PRKCE: variants seen among roughly 807,000 people sequenced by gnomAD.
PRKCE encodes the protein protein kinase C epsilon type.
Under a neutral mutation model 85.4 loss-of-function variants are expected in PRKCE, and 16 were observed. The observed-to-expected ratio is 0.19, with a 90% CI of 0.13 to 0.28. The LOEUF (loss-of-function observed/expected upper bound fraction) is 0.28. Among genes scored for constraint, PRKCE ranks in the 10% least tolerant of loss-of-function variants. The pLI, the probability that PRKCE is intolerant of heterozygous loss-of-function variation, is 1.00. For synonymous variants in PRKCE, 388 were observed against 371.5 expected (o/e 1.04, Z -0.51); for missense variants, 573 against 975.2 (o/e 0.59, Z 5.49).
chr2:46,166,456 C>G (rs184979654), intron 14 of PRKCE, among the ~76,000 whole-genome samples: 3 of 152,232 alleles, frequency 2.0e-5, no homozygotes, highest in Non-Finnish European at 4.4e-5. Flanking sequence ...GACTCTGATC[C>G]AGGGCTGGAG....
intron 2 of PRKCE, among the ~76,000 whole-genome samples, chr2:45,974,969 T>A (rs1702348493): frequency 6.6e-6 from 1 of 152,144 alleles, no homozygotes; most frequent in African/African-American, 2.4e-5. Context: ...TCTTTGGTGA[T>A]GAAAGCCACT....
At chr2:45,796,569 A>T (rs1397325015) in intron 1 of PRKCE, among the ~76,000 whole-genome samples, 1 of 152,220 alleles carries the variant, frequency 6.6e-6, no homozygotes, top group East Asian at 1.9e-4. Context: ...ATCTGCTTCC[A>T]GGCCAATTAA....
chr2:45,665,586 C>T (rs1406852188), intron 1 of PRKCE, among the ~76,000 whole-genome samples: 3 of 152,192 alleles, frequency 2.0e-5, no homozygotes, highest in Admixed American at 2.0e-4. Context: ...CCTTTGTCTT[C>T]TTTGCTTCTT....
Position 46,145,087 on chromosome 2 carries a change from T to C in PRKCE, c.1593-6T>C. 1 of 1,599,748 alleles carries C rather than the reference T, an allele frequency of 6.3e-7. No homozygotes were observed. On this transcript the variant is annotated splice_region_variant and splice_polypyrimidine_tract_variant and intron_variant, in intron 11 of 14. Coordinates refer to ENST00000306156, the MANE Select transcript of PRKCE (RefSeq NM_005400.3). The surrounding 1 kb of genome is among the most constrained non-coding windows in gnomAD (Gnocchi z 4.6). ...ATTGACATTATGGTCCTGGCCTATC[T>C]TGCAGGGATTTGAAACTGGACAACA...
chr2:46,051,577 G>A (rs866557686), intron 10 of PRKCE, among the ~76,000 whole-genome samples: 3 of 152,258 alleles, frequency 2.0e-5, no homozygotes, highest in South Asian at 2.1e-4. Flanking sequence ...TCTAGCACCC[G>A]CTTTGAAGGC....
rs148377012 is a variant in PRKCE, at chr2:46,077,805, A to G, written c.1438-8403A>G. Among the ~76,000 whole-genome samples the G allele has an allele frequency of 2.5e-3, 374 of 152,314 alleles. 1 individual carries two copies. The highest frequency in any genetic ancestry group is 3.7e-3 in the Non-Finnish European group (255 of 68,026). ...AGAAAAAAAAATCCTTCTTTCTATT[A>G]CCCACACTGACCTTCTAGAAATACA... is the stretch of plus-strand genomic sequence containing the variant. On this transcript the variant is annotated intron_variant, in intron 10 of 14. Coordinates refer to ENST00000306156, the MANE Select transcript of PRKCE (RefSeq NM_005400.3).
intron 2 of PRKCE, among the ~76,000 whole-genome samples, chr2:45,902,774 AT>A (rs1475139838): frequency 2.6e-5 from 4 of 152,176 alleles, no homozygotes; most frequent in African/African-American, 9.7e-5. Context: ...TTTCAAAAAT[AT>A]TTACATTTCT....
chr2:45,790,785 CTG>C (rs1686972786), intron 1 of PRKCE, among the ~76,000 whole-genome samples: 1 of 152,204 alleles, frequency 6.6e-6, no homozygotes, highest in African/African-American at 2.4e-5. Flanking sequence ...CACTTTGTAT[CTG>C]TTTCTGCACA....
At chr2:46,066,757 G>A (rs1233748450) in intron 10 of PRKCE, among the ~76,000 whole-genome samples, 1 of 152,188 alleles carries the variant, frequency 6.6e-6, no homozygotes, top group African/African-American at 2.4e-5. Context: ...ACAGACAGGA[G>A]GAGAAGAGTT....
intron 1 of PRKCE, among the ~76,000 whole-genome samples, chr2:45,827,383 G>C (rs1690034070): frequency 6.6e-6 from 1 of 152,224 alleles, no homozygotes; most frequent in Non-Finnish European, 1.5e-5. Flanking sequence ...ACAGTTTTCA[G>C]ATCCTTTCTG....
intron 2 of PRKCE, among the ~76,000 whole-genome samples, chr2:45,853,163 C>T (rs946603242): frequency 6.6e-6 from 1 of 152,174 alleles, no homozygotes; most frequent in African/African-American, 2.4e-5. Flanking sequence ...TCTCCCTCCC[C>T]ATTCTCCTTT....
intron 14 of PRKCE, among the ~76,000 whole-genome samples, chr2:46,166,052 A>G (rs535684658): frequency 6.6e-6 from 1 of 152,210 alleles, no homozygotes; most frequent in African/African-American, 2.4e-5. Flanking sequence ...CAACCTCATG[A>G]TCCGTTTCCA....
chr2:45,985,026 T>C (rs1303245157), intron 6 of PRKCE, among the ~76,000 whole-genome samples: 1 of 152,156 alleles, frequency 6.6e-6, no homozygotes, highest in African/African-American at 2.4e-5. Context: ...AGTTAGGCCA[T>C]GAAGGAAGTG....
At chr2:45,974,222 A>T (rs2104515664) in intron 2 of PRKCE, among the ~76,000 whole-genome samples, 1 of 152,378 alleles carries the variant, frequency 6.6e-6, no homozygotes, top group Admixed American at 6.5e-5. Flanking sequence ...CTATGATGGC[A>T]GCACCGAATG....
At chr2:45,731,870 G>A (rs2104554920) in intron 1 of PRKCE, among the ~76,000 whole-genome samples, 1 of 152,138 alleles carries the variant, frequency 6.6e-6, no homozygotes, top group East Asian at 1.9e-4. Flanking sequence ...CTCCCAAAGT[G>A]CTAGGTTTAC....
At chr2:45,728,458 A>C (rs1681271865) in intron 1 of PRKCE, among the ~76,000 whole-genome samples, 1 of 152,144 alleles carries the variant, frequency 6.6e-6, no homozygotes, top group Non-Finnish European at 1.5e-5. Flanking sequence ...CCCATGCCCA[A>C]ACACACGCAC....
intron 11 of PRKCE, among the ~76,000 whole-genome samples, chr2:46,109,982 A>T (rs1203839813): frequency 6.6e-6 from 1 of 152,144 alleles, no homozygotes; most frequent in African/African-American, 2.4e-5. Context: ...TCTCTAGGCT[A>T]TTGATACGGC....
chr2:45,734,489 C>T (rs1395743802), intron 1 of PRKCE, among the ~76,000 whole-genome samples: 4 of 152,084 alleles, frequency 2.6e-5, no homozygotes, highest in Non-Finnish European at 4.4e-5. Flanking sequence ...GGGTTGTCTG[C>T]GTTAAGTGGT....
Position 46,055,797 on chromosome 2 carries a change from G to A in PRKCE, c.1438-30411G>A, listed in dbSNP as rs533001271. ...CCCACCTCAGCCTCCCTAGTAGCTG[G>A]GACCACAGGTGCACACCACCACGCC... On this transcript the variant is annotated intron_variant, in intron 10 of 14. Coordinates refer to ENST00000306156, the MANE Select transcript of PRKCE (RefSeq NM_005400.3). 3.9e-5 allele frequency among the ~76,000 whole-genome samples: 6 copies of A among 152,158 alleles called. No individual in the cohort carries two copies. The South Asian group carries it at 8.3e-4, about 21-fold the overall frequency.
Sources: allele counts gnomAD v4.1 joint callset (sites outside exome capture counted in the v4.1 genomes callset), GRCh38; gene constraint gnomAD v4.1.1; non-coding constraint Gnocchi (gnomAD v3.1); transcripts MANE v1.5; gene names NCBI Gene and HGNC (gene_info 2026-07-23, HGNC 2026-07-21).